Variants in IPCEF1 observed in about 807,000 individuals in gnomAD.
The protein encoded by IPCEF1 is interaction protein for cytohesin exchange factors 1, also known as interactor protein for cytohesin exchange factors 1.
Under a neutral mutation model 50.9 loss-of-function variants are expected in IPCEF1, and 31 were observed. That is an observed-to-expected ratio of 0.61 (90% CI 0.46 to 0.82). The LOEUF is 0.82. Among genes scored for constraint, IPCEF1 ranks in the 40% least tolerant of loss-of-function variants. IPCEF1 has a pLI of 0.00. For missense variants in IPCEF1, 458 were observed against 514.0 expected, an observed-to-expected ratio of 0.89 and a Z score of 1.05; for synonymous variants, 181 against 192.0, an observed-to-expected ratio of 0.94 and a Z score of 0.47.
In IPCEF1 at chr6:154,214,244, T is replaced by A. The variant is rs746875359; in HGVS notation, c.425A>T (p.His142Leu). ...TTCATCCTTTGTAGTGGATTCCTGA[T>A]GGATTACAGCCGATCCAAGTTTATT... ...WLNKLGSAVI[H>L]QESTTKDEEC... The change falls in exon 8 of 12, where the codon CAT becomes CTT. Residue 142 changes from histidine (H) to leucine (L), a missense_variant. His to Leu is a moderately conservative substitution (Grantham distance 99). Coordinates refer to ENST00000367220, the MANE Select transcript of IPCEF1 (RefSeq NM_001130700.2). 4 of 1,611,592 alleles carry A rather than the reference T, an allele frequency of 2.5e-6. No individual in the cohort carries two copies. Among genetic ancestry groups the A allele is most frequent in the Non-Finnish European group, 3.4e-6 (4 of 1,177,636 alleles).
At position 154,168,415 on chromosome 6, in the gene IPCEF1, T is replaced by C. The variant is rs745643601; in HGVS notation, c.911-302A>G. On this transcript the variant is annotated intron_variant, in intron 10 of 11. Transcript: ENST00000367220. The surrounding 1 kb of genome is among the most constrained non-coding windows in gnomAD (Gnocchi z 4.1). Reference sequence around the variant, plus strand: ...TCCAATATTCACATGGGGTGTTCCCTGCATGCATGTCTCTGTGTCCAAACT... The same window carrying C: ...TCCAATATTCACATGGGGTGTTCCCCGCATGCATGTCTCTGTGTCCAAACT... 6.6e-6 allele frequency among the ~76,000 whole-genome samples: 1 copy of C among 152,108 alleles called. No homozygotes were observed. The highest frequency in any genetic ancestry group is 1.5e-5 in the Non-Finnish European group (1 of 68,018).
At position 154,161,759 on chromosome 6, in the gene IPCEF1, C is replaced by T. The variant is rs148481668; in HGVS notation, c.1105-1719G>A. Among the ~76,000 whole-genome samples, 276 of 152,258 alleles carry T rather than the reference C, an allele frequency of 1.8e-3. 2 individuals carry two copies. The highest frequency in any genetic ancestry group is 6.2e-3 in the African/African-American group (258 of 41,560). The stretch of plus-strand genomic sequence containing the variant: ...TCATCCCTGTATTCCCTGCACCTAA[C>T]GCAATGCCAAGTGCCATGTAGACAT... On this transcript the variant is annotated intron_variant, in intron 11 of 11. Transcript: ENST00000367220.
At chr6:154,205,456 G>T (rs535240782) in intron 9 of IPCEF1, among the ~76,000 whole-genome samples, 1 of 152,166 alleles carries the variant, frequency 6.6e-6, no homozygotes, top group Non-Finnish European at 1.5e-5. Flanking sequence ...TTAGCTGGGC[G>T]TGGTGGTGCA....
chr6:154,197,629 G>A (rs916747986), intron 10 of IPCEF1, among the ~76,000 whole-genome samples: 3 of 152,212 alleles, frequency 2.0e-5, no homozygotes, highest in African/African-American at 7.2e-5. Context: ...TAAAAGGGCT[G>A]GTGGTACCCA....
intron 2 of IPCEF1, among the ~76,000 whole-genome samples, chr6:154,270,537 A>G (rs1469043139): frequency 2.0e-5 from 3 of 152,240 alleles, no homozygotes; most frequent in East Asian, 3.8e-4. Flanking sequence ...GTTTTATTCA[A>G]TCACTATCAG....
intron 10 of IPCEF1, among the ~76,000 whole-genome samples, chr6:154,172,089 T>A (rs990594625): frequency 2.6e-5 from 4 of 152,332 alleles, no homozygotes; most frequent in African/African-American, 9.6e-5. Flanking sequence ...AACTTACCAA[T>A]TGAGCCACTA....
At position 154,157,783 on chromosome 6, in the gene IPCEF1, C is replaced by T. The variant is rs543126540; in HGVS notation, c.*2045G>A. On this transcript the variant is annotated 3_prime_UTR_variant, in exon 12 of 12. Coordinates refer to ENST00000367220, the MANE Select transcript of IPCEF1 (RefSeq NM_001130700.2). ...TGTTCCTTCAATACTCTTTACATTG[C>T]CAATCCTAAATAATTTCCCTTCTGG... 1.3e-5 allele frequency: 2 copies of T among 152,330 alleles called. No individual in the cohort carries two copies. The highest frequency in any genetic ancestry group is 3.9e-4 in the East Asian group (2 of 5,186). 9.4% of individuals were successfully genotyped at this position (152,330 alleles called of 1,614,324 possible).
At chr6:154,178,849 T>G (rs1213076116) in intron 10 of IPCEF1, among the ~76,000 whole-genome samples, 1 of 152,214 alleles carries the variant, frequency 6.6e-6, no homozygotes, top group African/African-American at 2.4e-5. Flanking sequence ...AGAGAAAGCC[T>G]GGAACTGAAA....
At chr6:154,276,162 C>A (rs1217640277) in intron 2 of IPCEF1, among the ~76,000 whole-genome samples, 2 of 147,768 alleles carry the variant, frequency 1.4e-5, no homozygotes, top group Non-Finnish European at 3.0e-5. Flanking sequence ...CCAGCCTGGG[C>A]AACAGAGAGA....
chr6:154,155,842 CT>C lies in IPCEF1; in HGVS notation c.*3985del, dbSNP rs1484190190. Reference sequence around the variant, plus strand: ...AATGTACCTATGAATTTAAACATGTCTTAAATTTGAATAGCACTTCTTTTCA... The same window carrying C: ...AATGTACCTATGAATTTAAACATGTCTAAATTTGAATAGCACTTCTTTTCA... On this transcript the variant is annotated 3_prime_UTR_variant, in exon 12 of 12. Transcript: ENST00000367220. 1 of 152,132 alleles carries C rather than the reference CT, an allele frequency of 6.6e-6. No individual in the cohort carries two copies. Among genetic ancestry groups the C allele is most frequent in the African/African-American group, 2.4e-5 (1 of 41,436 alleles). 9.4% of individuals were successfully genotyped at this position (152,132 alleles called of 1,614,324 possible). A position where few individuals can be genotyped will look rare whatever the true frequency, so the allele number is the denominator to read the frequency against.
intron 2 of IPCEF1, among the ~76,000 whole-genome samples, chr6:154,273,437 C>A (rs1781948175): frequency 6.6e-6 from 1 of 152,164 alleles, no homozygotes; most frequent in Non-Finnish European, 1.5e-5. Flanking sequence ...TCCATCACAG[C>A]AATGCCATGG....
intron 5 of IPCEF1, among the ~76,000 whole-genome samples, chr6:154,243,817 G>A (rs1180102709): frequency 1.3e-5 from 2 of 152,136 alleles, no homozygotes; most frequent in Non-Finnish European, 2.9e-5. Context: ...GACAATTGAC[G>A]CAATCTCTCT....
chr6:154,224,657 G>A (rs2128619768), intron 5 of IPCEF1, among the ~76,000 whole-genome samples: 2 of 152,232 alleles, frequency 1.3e-5, no homozygotes, highest in South Asian at 4.1e-4. Flanking sequence ...GTTGCAGTGA[G>A]CCAAGATCGT....
intron 7 of IPCEF1, among the ~76,000 whole-genome samples, chr6:154,216,045 C>T (rs1454990319): frequency 1.3e-5 from 2 of 152,036 alleles, no homozygotes; most frequent in Non-Finnish European, 2.9e-5. Flanking sequence ...CTGATACAGC[C>T]AATTCTGAGC....
chr6:154,297,437 C>T (rs887902827), intron 1 of IPCEF1, among the ~76,000 whole-genome samples: 7 of 152,156 alleles, frequency 4.6e-5, no homozygotes, highest in East Asian at 1.9e-4. Context: ...CCCAGGTTGA[C>T]GTGCAGGTCT....
intron 1 of IPCEF1, among the ~76,000 whole-genome samples, chr6:154,331,980 G>T (rs1428046431): frequency 5.3e-5 from 8 of 152,174 alleles, no homozygotes; most frequent in African/African-American, 1.9e-4. Context: ...TTTCATTACT[G>T]CTCTGAAACT....
At chr6:154,187,039 ACACACTC>A (rs1269688927) in intron 10 of IPCEF1, among the ~76,000 whole-genome samples, 1 of 152,024 alleles carries the variant, frequency 6.6e-6, no homozygotes, top group Non-Finnish European at 1.5e-5. Flanking sequence ...CCTCCACTCT[ACACACTC>A]CACACTCTGT....
intron 5 of IPCEF1, among the ~76,000 whole-genome samples, chr6:154,231,570 A>C (rs545460651): frequency 4.1e-4 from 63 of 152,398 alleles, no homozygotes; most frequent in Non-Finnish European, 6.9e-4. Context: ...CAACGCGTAG[A>C]GCAATCTCTA....
chr6:154,198,025 T>C (rs1776759773), intron 10 of IPCEF1, among the ~76,000 whole-genome samples: 1 of 152,182 alleles, frequency 6.6e-6, no homozygotes, highest in Non-Finnish European at 1.5e-5. Flanking sequence ...CTTCAGTATA[T>C]CTTTTCAAGA....
Sources: gnomAD v4.1 joint callset for allele counts (sites outside exome capture counted in the v4.1 genomes callset) on GRCh38, gnomAD v4.1.1 for gene constraint, Gnocchi (gnomAD v3.1) non-coding constraint, MANE v1.5 for transcripts, NCBI Gene and HGNC (gene_info 2026-07-23, HGNC 2026-07-21) for gene names.